The following OSBPL8 variants were observed in gnomAD, a reference collection of about 807,000 sequenced individuals.
OSBPL8 encodes the protein oxysterol binding protein like 8, also known as oxysterol-binding protein-related protein 8.
In OSBPL8, 59 loss-of-function variants were observed where a neutral mutation model predicts 125.5. That is an observed-to-expected ratio of 0.47 (90% CI 0.38 to 0.58). The LOEUF (loss-of-function observed/expected upper bound fraction) is 0.58. Among genes scored for constraint, OSBPL8 ranks in the 20% least tolerant of loss-of-function variants. OSBPL8 has a pLI of 0.00. For missense variants in OSBPL8, 758 were observed against 1,047.8 expected (o/e 0.72, Z 3.82); for synonymous variants, 330 against 338.9 (o/e 0.97, Z 0.29).
chr12:76,398,036 G>T, intron 7 of OSBPL8, 139 bp from the exon 8 acceptor site: 1 of 715,154 alleles, frequency 1.4e-6, no homozygotes, highest in Non-Finnish European at 2.3e-6. Context: ...CTACTACATG[G>T]CAAGCACAGC....
chr12:76,437,036 T>C (rs1487950315), intron 4 of OSBPL8, among the ~76,000 whole-genome samples: 2 of 152,200 alleles, frequency 1.3e-5, no homozygotes, highest in Non-Finnish European at 2.9e-5. Context: ...TGGTACTCTA[T>C]TGTATGAATA....
intron 1 of OSBPL8, among the ~76,000 whole-genome samples, chr12:76,518,748 A>G (rs893713662): frequency 7.9e-5 from 12 of 152,148 alleles, no homozygotes; most frequent in Non-Finnish European, 1.5e-4. Flanking sequence ...CCCTCCAAAG[A>G]AGCAGCCCAA....
At chr12:76,476,163 A>G (rs1358018749) in intron 2 of OSBPL8, among the ~76,000 whole-genome samples, 4 of 152,172 alleles carry the variant, frequency 2.6e-5, no homozygotes. Context: ...ACCCTAAGAC[A>G]TGTATTCTCT....
At chr12:76,540,535 G>T (rs1474207788) in intron 1 of OSBPL8, among the ~76,000 whole-genome samples, 1 of 151,166 alleles carries the variant, frequency 6.6e-6, no homozygotes, top group Non-Finnish European at 1.5e-5. Flanking sequence ...TGTACAGAGA[G>T]AGAAATCTAG....
intron 1 of OSBPL8, among the ~76,000 whole-genome samples, chr12:76,515,572 G>A (rs1565961169): frequency 6.6e-6 from 1 of 152,138 alleles, no homozygotes; most frequent in East Asian, 1.9e-4. Context: ...TGAAAGTATA[G>A]GTATAGATTC....
chr12:76,557,738 T>C (rs1430242198), intron 1 of OSBPL8, among the ~76,000 whole-genome samples: 1 of 152,214 alleles, frequency 6.6e-6, no homozygotes, highest in African/African-American at 2.4e-5. Flanking sequence ...CCCAAAGTGT[T>C]TTCTAAGGCT....
intron 1 of OSBPL8, among the ~76,000 whole-genome samples, chr12:76,514,141 G>A (rs1306456275): frequency 6.6e-6 from 1 of 151,880 alleles, no homozygotes; most frequent in Non-Finnish European, 1.5e-5. Context: ...ACATTTGCTT[G>A]TCTGAAAAGG....
At chr12:76,542,063 C>T (rs531947882) in intron 1 of OSBPL8, among the ~76,000 whole-genome samples, 18 of 151,760 alleles carry the variant, frequency 1.2e-4, no homozygotes, top group South Asian at 6.2e-4. Context: ...CCCAGCTACA[C>T]GGGAGGCTGA....
chr12:76,452,032 G>A (rs561790795), intron 3 of OSBPL8, among the ~76,000 whole-genome samples: 24 of 151,908 alleles, frequency 1.6e-4, no homozygotes, highest in South Asian at 1.0e-3. Context: ...CAGGAGAATC[G>A]CTTGAACCTG....
At chr12:76,364,793 C>A (rs554943907) in intron 21 of OSBPL8, among the ~76,000 whole-genome samples, 3 of 152,088 alleles carry the variant, frequency 2.0e-5, no homozygotes, top group Non-Finnish European at 2.9e-5. Flanking sequence ...GTTTTGAAAT[C>A]GAAAAGTGAG....
At chr12:76,466,037 C>G (rs1875390181) in intron 2 of OSBPL8, among the ~76,000 whole-genome samples, 1 of 151,914 alleles carries the variant, frequency 6.6e-6, no homozygotes, top group East Asian at 1.9e-4. Context: ...TTTCCACCTA[C>G]TAAAAAAATC....
intron 2 of OSBPL8, among the ~76,000 whole-genome samples, chr12:76,469,916 A>G (rs1432563782): frequency 6.6e-6 from 1 of 152,166 alleles, no homozygotes; most frequent in African/African-American, 2.4e-5. Context: ...GAAAAAAAAA[A>G]GGCTTAGTGA....
chr12:76,559,032 C>G (rs1951193012), intron 1 of OSBPL8, among the ~76,000 whole-genome samples: 1 of 152,170 alleles, frequency 6.6e-6, no homozygotes. Context: ...CCGCACCGAG[C>G]GACAAAGCGC....
chr12:76,524,973 T>TGC (rs1401853836), intron 1 of OSBPL8, among the ~76,000 whole-genome samples: 1 of 152,138 alleles, frequency 6.6e-6, no homozygotes, highest in African/African-American at 2.4e-5. Flanking sequence ...CGTGAGCCAC[T>TGC]GCGCCCAGCC....
chr12:76,511,306 T>C (rs2137186904), intron 1 of OSBPL8, among the ~76,000 whole-genome samples: 1 of 152,338 alleles, frequency 6.6e-6, no homozygotes, highest in South Asian at 2.1e-4. Flanking sequence ...TTTAGCTCTC[T>C]GAGGACTCAC....
intron 1 of OSBPL8, among the ~76,000 whole-genome samples, chr12:76,529,528 G>GAA (rs200831955): frequency 0.014 from 1,670 of 117,768 alleles, 31 homozygotes; most frequent in African/African-American, 0.046. Flanking sequence ...CTACCAAACA[G>GAA]AAAAAAAAAA....
At chr12:76,371,031 C>T (rs1952600399) in intron 19 of OSBPL8, among the ~76,000 whole-genome samples, 1 of 152,130 alleles carries the variant, frequency 6.6e-6, no homozygotes, top group South Asian at 2.1e-4. Flanking sequence ...CCAGTCCATC[C>T]AGTAACTTTA....
chr12:76,529,748 G>C (rs964446107), intron 1 of OSBPL8, among the ~76,000 whole-genome samples: 5 of 152,168 alleles, frequency 3.3e-5, no homozygotes, highest in African/African-American at 4.8e-5. Context: ...TAAGGCTCTA[G>C]AGACAGTAGA....
intron 1 of OSBPL8, among the ~76,000 whole-genome samples, chr12:76,552,163 A>C (rs1950958768): frequency 6.6e-6 from 1 of 152,006 alleles, no homozygotes; most frequent in African/African-American, 2.4e-5. Context: ...AGTGGCTCAC[A>C]CCTGTAATGC....
Sources: gnomAD v4.1 joint callset for allele counts (sites outside exome capture counted in the v4.1 genomes callset) on GRCh38, gnomAD v4.1.1 for gene constraint, MANE v1.5 for transcripts, NCBI Gene and HGNC (gene_info 2026-07-23, HGNC 2026-07-21) for gene names.